The following RAP1GAP variants were observed in gnomAD, a reference collection of about 807,000 sequenced individuals.
RAP1GAP encodes the protein rap1 GTPase-activating protein 1.
RAP1GAP carries 35 observed loss-of-function variants against 87.2 expected under a neutral mutation model. That is an observed-to-expected ratio of 0.40 (90% CI 0.31 to 0.53). RAP1GAP has a LOEUF of 0.53. Among genes scored for constraint, RAP1GAP ranks in the 20% least tolerant of loss-of-function variants. The pLI is 0.48. For missense variants in RAP1GAP, 734 were observed against 898.9 expected (o/e 0.82, Z 2.35); for synonymous variants, 375 against 363.9 (o/e 1.03, Z -0.35).
At chr1:21,645,442 T>C (rs2095953358) in intron 2 of RAP1GAP, among the ~76,000 whole-genome samples, 1 of 151,780 alleles carries the variant, frequency 6.6e-6, no homozygotes, top group African/African-American at 2.4e-5. Flanking sequence ...ATTGCCCCAC[T>C]GCACTCCAGC....
intron 22 of RAP1GAP, 63 bp from the exon 23 acceptor site, chr1:21,598,127 G>T: frequency 9.0e-7 from 1 of 1,113,876 alleles, no homozygotes. Flanking sequence ...GGAGACGGGG[G>T]CATAGGTGGG....
rs776338868 is a variant in RAP1GAP at position 21,603,290 on chromosome 1, T to A, written c.1429-377A>T. ...TCAGAGGGCAGTGTAGCAACCCAAG[T>A]CCCACCCCGTGCCAGCTAGGGCCCC... On this transcript the variant is annotated intron_variant, in intron 18 of 24. Coordinates refer to ENST00000374765, the MANE Select transcript of RAP1GAP (RefSeq NM_002885.4). This position sits in a 1 kb window ranked among gnomAD's most constrained non-coding sequence, Gnocchi z 6.0. 1.0e-5 allele frequency: 4 copies of A among 384,256 alleles called. No homozygotes were observed. Among genetic ancestry groups the A allele is most frequent in the Non-Finnish European group, 1.9e-5 (4 of 211,722 alleles). The allele number at this position is 384,256 out of a possible 1,614,324, so 23.8% of individuals were successfully genotyped here.
Position 21,613,880 on chromosome 1 carries a change from G to T in RAP1GAP, c.395+106C>A, listed in dbSNP as rs1003556391. On this transcript the variant is annotated intron_variant, in intron 8 of 24. Transcript: ENST00000374765. The surrounding 1 kb of genome is among the most constrained non-coding windows in gnomAD (Gnocchi z 4.7). ...GCTGTGCAACCTCAAGCAAATCCCT[G>T]CCCCTCTATGGGCCTTGATGAAGAG... The T allele has an allele frequency of 2.5e-6, 3 of 1,193,792 alleles. No homozygotes were observed. Among genetic ancestry groups the T allele is most frequent in the Non-Finnish European group, 3.6e-6 (3 of 831,390 alleles). The allele number at this position is 1,193,792 out of a possible 1,614,324, so 73.9% of individuals were successfully genotyped here.
intron 2 of RAP1GAP, among the ~76,000 whole-genome samples, chr1:21,644,599 T>C (rs1226982619): frequency 6.6e-6 from 1 of 152,144 alleles, no homozygotes; most frequent in Non-Finnish European, 1.5e-5. Flanking sequence ...GTAACCTTGC[T>C]TTGAAATTCA....
chr1:21,610,998 G>C (rs189256666), intron 13 of RAP1GAP, among the ~76,000 whole-genome samples: 76 of 152,340 alleles, frequency 5.0e-4, no homozygotes, highest in African/African-American at 1.7e-3. Context: ...ATGTCCTCGA[G>C]TCCAGGCCTT....
chr1:21,616,542 T>C (rs2149600092), intron 7 of RAP1GAP, among the ~76,000 whole-genome samples: 1 of 152,296 alleles, frequency 6.6e-6, no homozygotes, highest in East Asian at 1.9e-4. Context: ...GCCACGAGGC[T>C]CCAGAGCCCA....
At chr1:21,630,685 G>T (rs993604464) in intron 2 of RAP1GAP, among the ~76,000 whole-genome samples, 5 of 151,856 alleles carry the variant, frequency 3.3e-5, no homozygotes, top group African/African-American at 1.2e-4. Context: ...CCTAGTAGCT[G>T]GGACTACAGG....
chr1:21,642,147 G>A (rs1252597180), intron 2 of RAP1GAP, among the ~76,000 whole-genome samples: 1 of 152,242 alleles, frequency 6.6e-6, no homozygotes, highest in African/African-American at 2.4e-5. Flanking sequence ...CTCAGGGCCA[G>A]TGCCTAAGGC....
At chr1:21,630,501 C>T (rs1293277130) in intron 2 of RAP1GAP, among the ~76,000 whole-genome samples, 2 of 151,892 alleles carry the variant, frequency 1.3e-5, no homozygotes, top group African/African-American at 4.8e-5. Context: ...AGAGATCCTC[C>T]CACCTCAGCC....
intron 19 of RAP1GAP, among the ~76,000 whole-genome samples, chr1:21,602,189 G>A (rs1189314256): frequency 1.3e-5 from 2 of 152,238 alleles, no homozygotes; most frequent in Non-Finnish European, 2.9e-5. Context: ...GCCCTCTCAG[G>A]GGACCTGGCC....
chr1:21,620,083 T>G, intron 3 of RAP1GAP, 33 bp from the exon 4 acceptor site: 1 of 1,608,844 alleles, frequency 6.2e-7, no homozygotes, highest in Middle Eastern at 1.7e-4. Context: ...CGAGGTCAGC[T>G]GATCCCGCCA....
At chr1:21,656,716 GCT>G (rs1295652895) in intron 1 of RAP1GAP, among the ~76,000 whole-genome samples, 2 of 152,196 alleles carry the variant, frequency 1.3e-5, no homozygotes, top group Non-Finnish European at 2.9e-5. Context: ...TGAGACTCCT[GCT>G]CTATTCAATG....
At chr1:21,645,215 T>G (rs924031965) in intron 2 of RAP1GAP, among the ~76,000 whole-genome samples, 1 of 152,224 alleles carries the variant, frequency 6.6e-6, no homozygotes, top group Non-Finnish European at 1.5e-5. Context: ...TCTGAGGCTC[T>G]GTACAGCCAG....
At chr1:21,599,661 C>T (rs1478605847) in intron 20 of RAP1GAP, 44 bp from the exon 21 acceptor site, 2 of 1,578,144 alleles carry the variant, frequency 1.3e-6, no homozygotes, top group Non-Finnish European at 1.7e-6. Flanking sequence ...ACCCCGAGCC[C>T]CTCCTGGGCC....
At position 21,619,220 on chromosome 1, in the gene RAP1GAP, C is replaced by T. The variant is rs553963213; in HGVS notation, c.19-148G>A. The T allele has an allele frequency of 3.7e-6, 3 of 801,122 alleles. No homozygotes were observed. In the Admixed American group the frequency reaches 7.5e-5, roughly 20 times the overall value. 49.6% of individuals were successfully genotyped at this position (801,122 alleles called of 1,614,324 possible). On this transcript the variant is annotated intron_variant, in intron 4 of 24. Coordinates refer to ENST00000374765, the MANE Select transcript of RAP1GAP (RefSeq NM_002885.4). ...GGCAGGGTGCTAGCTGGCTGGGGGC[C>T]CTGGGCCTGTCTGAAGGGCTGGCTG...
chr1:21,651,710 G>T (rs1356684855), intron 1 of RAP1GAP: 2 of 970,314 alleles, frequency 2.1e-6, no homozygotes, highest in South Asian at 2.8e-5. Context: ...CACCCCGCAC[G>T]GGCTCCCCCC....
At chr1:21,651,449 C>A (rs1415022317) in intron 1 of RAP1GAP, 2 of 587,330 alleles carry the variant, frequency 3.4e-6, no homozygotes, top group Admixed American at 3.8e-5. Flanking sequence ...CACACACAGG[C>A]GGAGTAGCCC....
At position 21,616,170 on chromosome 1, in the gene RAP1GAP, CA is replaced by C. The variant is rs1558698270; in HGVS notation, c.291+1135del. ...ACACACACACACACACACACACACA[CA>C]CACACACACACACACACACATACAA... On this transcript the variant is annotated intron_variant, in intron 7 of 24. Transcript: ENST00000374765. Among the ~76,000 whole-genome samples the C allele has an allele frequency of 9.0e-5, 7 of 77,392 alleles. 1 individual carries two copies. The highest frequency in any genetic ancestry group is 3.4e-4 in the African/African-American group (7 of 20,496). 50.8% of individuals were successfully genotyped at this position (77,392 alleles called of 152,430 possible).
intron 2 of RAP1GAP, 80 bp from the exon 3 acceptor site, chr1:21,626,477 TG>T: frequency 8.5e-7 from 1 of 1,174,728 alleles, no homozygotes; most frequent in Non-Finnish European, 1.3e-6. Flanking sequence ...CTCTCAGAGC[TG>T]GGGGATGTGA....
Sources: gnomAD v4.1 joint callset for allele counts (sites outside exome capture counted in the v4.1 genomes callset) on GRCh38, gnomAD v4.1.1 for gene constraint, Gnocchi (gnomAD v3.1) non-coding constraint, MANE v1.5 for transcripts, NCBI Gene and HGNC (gene_info 2026-07-23, HGNC 2026-07-21) for gene names.